The following KLHL1 variants were observed in gnomAD, a reference collection of about 807,000 sequenced individuals.
KLHL1 encodes the protein kelch like family member 1, also known as kelch-like protein 1.
KLHL1 carries 47 observed loss-of-function variants against 77.7 expected under a neutral mutation model. That is an observed-to-expected ratio of 0.60 (90% CI 0.48 to 0.77). The LOEUF is 0.77. Ranked by LOEUF, KLHL1 falls within the 30% of genes least tolerant of loss-of-function variation. The pLI, the probability that KLHL1 is intolerant of heterozygous loss-of-function variation, is 0.00. For missense variants in KLHL1, 925 were observed against 910.8 expected, an observed-to-expected ratio of 1.02 and a Z score of -0.20; for synonymous variants, 360 against 325.2, an observed-to-expected ratio of 1.11 and a Z score of -1.15.
intron 7 of KLHL1, among the ~76,000 whole-genome samples, chr13:69,792,284 A>G (rs1876907920): frequency 6.6e-6 from 1 of 152,208 alleles, no homozygotes; most frequent in Non-Finnish European, 1.5e-5. Context: ...AGCTTTCTCC[A>G]AAGAAGGTAT....
chr13:69,933,692 A>G (rs1883079720), intron 4 of KLHL1, among the ~76,000 whole-genome samples: 1 of 152,118 alleles, frequency 6.6e-6, no homozygotes, highest in Non-Finnish European at 1.5e-5. Flanking sequence ...CTTATGAACA[A>G]GGCAGCCTTT....
chr13:70,033,926 A>G (rs1306550640), intron 1 of KLHL1, among the ~76,000 whole-genome samples: 2 of 152,096 alleles, frequency 1.3e-5, no homozygotes, highest in East Asian at 3.9e-4. Context: ...TAAATTATTG[A>G]TCGATGAAAA....
chr13:70,082,101 G>T (rs988546669), intron 1 of KLHL1, among the ~76,000 whole-genome samples: 4 of 152,070 alleles, frequency 2.6e-5, no homozygotes, highest in African/African-American at 4.8e-5. Flanking sequence ...CATGGAGGAT[G>T]TGCTGGCTTC....
At chr13:69,994,830 A>G (rs1172072678) in intron 1 of KLHL1, among the ~76,000 whole-genome samples, 1 of 152,114 alleles carries the variant, frequency 6.6e-6, no homozygotes, top group East Asian at 1.9e-4. Context: ...AAAAAATACT[A>G]ATATATATGG....
intron 3 of KLHL1, among the ~76,000 whole-genome samples, chr13:69,945,869 A>G: frequency 6.6e-6 from 1 of 152,246 alleles, no homozygotes; most frequent in East Asian, 1.9e-4. Flanking sequence ...AAGTCTGTAC[A>G]TGAATGTTTG....
chr13:69,878,251 T>C (rs898200289), intron 5 of KLHL1, among the ~76,000 whole-genome samples: 1 of 152,192 alleles, frequency 6.6e-6, no homozygotes, highest in African/African-American at 2.4e-5. Flanking sequence ...TGTTTTTTTT[T>C]ATTTATATAT....
At chr13:69,959,469 T>A (rs557792629) in intron 3 of KLHL1, among the ~76,000 whole-genome samples, 1 of 151,840 alleles carries the variant, frequency 6.6e-6, no homozygotes, top group African/African-American at 2.4e-5. Flanking sequence ...TTGACCAAGA[T>A]GGTCTTAAAA....
At chr13:69,785,159 T>C (rs561154002) in intron 7 of KLHL1, among the ~76,000 whole-genome samples, 1 of 152,248 alleles carries the variant, frequency 6.6e-6, no homozygotes, top group East Asian at 1.9e-4. Context: ...CCCAAAGTGC[T>C]GGGATTACAG....
intron 1 of KLHL1, among the ~76,000 whole-genome samples, chr13:70,075,774 C>T (rs4053610): frequency 3.2e-3 from 328 of 103,560 alleles, no homozygotes; most frequent in African/African-American, 0.011. Flanking sequence ...TATATATATA[C>T]ATATATATGT....
Position 69,885,827 on chromosome 13 carries a change from T to TGTAGAAAAAA in KLHL1, c.1015-3333_1015-3332insTTTTTTCTAC, listed in dbSNP as rs1386362449. 2.6e-5 allele frequency among the ~76,000 whole-genome samples: 4 copies of TGTAGAAAAAA among 152,292 alleles called. No individual in the cohort carries two copies. In the East Asian group the frequency reaches 7.7e-4, roughly 29 times the overall value. ...CCATATGGGAGACACGTAGAAAAAG[T>TGTAGAAAAAA]GCAATTATCTGGAAAATGATAGTAA... On this transcript the variant is annotated intron_variant, in intron 4 of 10. Coordinates refer to ENST00000377844, the MANE Select transcript of KLHL1 (RefSeq NM_020866.3).
chr13:69,779,935 G>C (rs1030274), intron 7 of KLHL1, among the ~76,000 whole-genome samples: 51,514 of 151,686 alleles, frequency 0.34, 8,921 homozygotes, highest in South Asian at 0.35. Context: ...CACAGCCTCC[G>C]AAGTATTACT....
intron 1 of KLHL1, among the ~76,000 whole-genome samples, chr13:70,092,684 C>T (rs914676169): frequency 6.6e-6 from 1 of 152,030 alleles, no homozygotes; most frequent in Non-Finnish European, 1.5e-5. Context: ...TAAGTTATTA[C>T]TTTCTTAATT....
chr13:69,972,439 TATC>T (rs1444461497), intron 2 of KLHL1, among the ~76,000 whole-genome samples: 1 of 151,942 alleles, frequency 6.6e-6, no homozygotes, highest in Non-Finnish European at 1.5e-5. Context: ...ATCTATCAAA[TATC>T]ATCATTTTAT....
chr13:69,730,279 G>C (rs868535623), intron 8 of KLHL1, among the ~76,000 whole-genome samples: 5,120 of 149,284 alleles, frequency 0.034, 273 homozygotes, highest in African/African-American at 0.12. Flanking sequence ...GTGTGTGTGT[G>C]TGTGTGTGTG....
chr13:70,088,557 C>T (rs1283209996), intron 1 of KLHL1, among the ~76,000 whole-genome samples: 1 of 152,030 alleles, frequency 6.6e-6, no homozygotes, highest in East Asian at 1.9e-4. Context: ...TTGGTGTATG[C>T]CTATATCTCC....
intron 1 of KLHL1, among the ~76,000 whole-genome samples, chr13:70,073,651 C>T (rs546160219): frequency 6.6e-6 from 1 of 151,924 alleles, no homozygotes; most frequent in Non-Finnish European, 1.5e-5. Flanking sequence ...GTGGTGTGCA[C>T]CTGTGTTCTT....
At chr13:69,923,120 T>G (rs951001207) in intron 4 of KLHL1, among the ~76,000 whole-genome samples, 2 of 152,024 alleles carry the variant, frequency 1.3e-5, no homozygotes, top group Non-Finnish European at 2.9e-5. Flanking sequence ...AGAGGTGAAC[T>G]CCAGATAAAA....
intron 5 of KLHL1, among the ~76,000 whole-genome samples, chr13:69,873,032 C>A (rs1317777675): frequency 6.6e-6 from 1 of 152,136 alleles, no homozygotes; most frequent in Non-Finnish European, 1.5e-5. Context: ...GAATAGACAT[C>A]AATTCTTAGG....
At chr13:70,078,392 C>T (rs1298980250) in intron 1 of KLHL1, among the ~76,000 whole-genome samples, 2 of 151,952 alleles carry the variant, frequency 1.3e-5, no homozygotes, top group South Asian at 4.2e-4. Flanking sequence ...TTTAAATACC[C>T]CATTAGTTTT....
Sources: allele counts gnomAD v4.1 joint callset (sites outside exome capture counted in the v4.1 genomes callset), GRCh38; gene constraint gnomAD v4.1.1; transcripts MANE v1.5; gene names NCBI Gene and HGNC (gene_info 2026-07-23, HGNC 2026-07-21).